ADGRL3: variants seen among roughly 807,000 people sequenced by gnomAD.
ADGRL3 encodes calcium-independent alpha-latrotoxin receptor 3.
In ADGRL3, 62 loss-of-function variants were observed where a neutral mutation model predicts 153.5. That is an observed-to-expected ratio of 0.40 (90% confidence interval 0.33 to 0.50). ADGRL3 has a LOEUF of 0.50. Ranked by LOEUF, ADGRL3 falls within the 20% of genes least tolerant of loss-of-function variation. The probability of loss-of-function intolerance (pLI) is 0.47; values close to 1 mark genes in which losing one functional copy is unlikely to be tolerated. For synonymous variants in ADGRL3, 710 were observed against 672.5 expected (o/e 1.06, Z -0.86); for missense variants, 1,641 against 1,859.4 (o/e 0.88, Z 2.16).
intron 17 of ADGRL3, 76 bp downstream of exon 17, chr4:61,948,352 G>A (rs2098933873): frequency 1.9e-6 from 2 of 1,034,762 alleles, no homozygotes; most frequent in Non-Finnish European, 2.8e-6. Context: ...CTAACTATAT[G>A]GGCTATCATA....
At chr4:61,924,269 C>G (rs1203055477) in intron 13 of ADGRL3, among the ~76,000 whole-genome samples, 3 of 152,102 alleles carry the variant, frequency 2.0e-5, no homozygotes, top group Non-Finnish European at 4.4e-5. Flanking sequence ...ACACTTCTTT[C>G]CAGTCTCCTT....
intron 4 of ADGRL3, among the ~76,000 whole-genome samples, chr4:61,583,071 C>T (rs2098932537): frequency 6.6e-6 from 1 of 152,058 alleles, no homozygotes; most frequent in African/African-American, 2.4e-5. Flanking sequence ...GTTATAACCT[C>T]AACCAATTAA....
chr4:61,317,534 A>G (rs1197959574), intron 1 of ADGRL3, among the ~76,000 whole-genome samples: 3 of 152,104 alleles, frequency 2.0e-5, no homozygotes, highest in Non-Finnish European at 4.4e-5. Flanking sequence ...CTGCTAACTC[A>G]TTTCTTTCTC....
At chr4:61,253,263 A>G (rs1464763653) in intron 1 of ADGRL3, among the ~76,000 whole-genome samples, 1 of 152,146 alleles carries the variant, frequency 6.6e-6, no homozygotes, top group Non-Finnish European at 1.5e-5. Flanking sequence ...CATGCACAAG[A>G]TTTTCTTTTT....
chr4:61,573,408 A>T (rs2098847151), intron 4 of ADGRL3, among the ~76,000 whole-genome samples: 1 of 151,954 alleles, frequency 6.6e-6, no homozygotes, highest in Non-Finnish European at 1.5e-5. Context: ...CATCTTTCAA[A>T]TGCTTAAACT....
chr4:61,288,240 C>A (rs2150106200), intron 1 of ADGRL3, among the ~76,000 whole-genome samples: 1 of 152,056 alleles, frequency 6.6e-6, no homozygotes, highest in South Asian at 2.1e-4. Context: ...ATACTTCTGG[C>A]TTAATCATGT....
intron 2 of ADGRL3, among the ~76,000 whole-genome samples, chr4:61,418,421 G>A (rs1198914636): frequency 2.0e-5 from 3 of 151,290 alleles, no homozygotes; most frequent in Non-Finnish European, 4.4e-5. Context: ...ATCGGACATG[G>A]TTTTGTCTTC....
At chr4:61,798,801 T>G (rs2097447471) in intron 8 of ADGRL3, among the ~76,000 whole-genome samples, 1 of 150,854 alleles carries the variant, frequency 6.6e-6, no homozygotes, top group Non-Finnish European at 1.5e-5. Context: ...ATGTTTTTAG[T>G]AGAGACAGGG....
At chr4:61,363,662 G>A (rs1033792147) in intron 1 of ADGRL3, among the ~76,000 whole-genome samples, 1 of 152,102 alleles carries the variant, frequency 6.6e-6, no homozygotes, top group African/African-American at 2.4e-5. Flanking sequence ...CAAAAAGGAT[G>A]TACATATGAA....
intron 16 of ADGRL3, among the ~76,000 whole-genome samples, 170 bp downstream of exon 16, chr4:61,947,292 A>C (rs2098929110): frequency 6.6e-6 from 1 of 152,160 alleles, no homozygotes; most frequent in Non-Finnish European, 1.5e-5. Flanking sequence ...TTGGAGGAGG[A>C]GAATAATCCT....
At chr4:62,042,780 A>G (rs1560544041) in intron 24 of ADGRL3, among the ~76,000 whole-genome samples, 1 of 152,070 alleles carries the variant, frequency 6.6e-6, no homozygotes, top group Non-Finnish European at 1.5e-5. Context: ...TAGTATAATG[A>G]ATAGTCACAA....
chr4:61,965,666 G>A (rs2099003772), intron 17 of ADGRL3, among the ~76,000 whole-genome samples: 1 of 152,000 alleles, frequency 6.6e-6, no homozygotes, highest in Non-Finnish European at 1.5e-5. Context: ...CAGGAGAATG[G>A]CGTGAACCCA....
At chr4:61,741,060 G>A (rs1039803040) in intron 8 of ADGRL3, among the ~76,000 whole-genome samples, 3 of 152,144 alleles carry the variant, frequency 2.0e-5, no homozygotes, top group South Asian at 2.1e-4. Context: ...ATGACACCTC[G>A]TTAAAATGTA....
At chr4:61,233,273 A>G (rs1215051732) in intron 1 of ADGRL3, among the ~76,000 whole-genome samples, 3 of 152,188 alleles carry the variant, frequency 2.0e-5, no homozygotes, top group Admixed American at 2.0e-4. Context: ...TGATTGGAGT[A>G]GGTAGGTAAA....
At chr4:61,631,349 T>C (rs1294797612) in intron 5 of ADGRL3, among the ~76,000 whole-genome samples, 1 of 152,220 alleles carries the variant, frequency 6.6e-6, no homozygotes, top group Non-Finnish European at 1.5e-5. Flanking sequence ...TTTTCACCCC[T>C]TGGAGATTCA....
intron 5 of ADGRL3, among the ~76,000 whole-genome samples, chr4:61,637,354 A>G (rs1280957678): frequency 1.3e-5 from 2 of 152,212 alleles, no homozygotes; most frequent in Non-Finnish European, 1.5e-5. Context: ...AAGCAATGCC[A>G]AAGATTGCCA....
chr4:61,672,593 C>G (rs961173100), intron 5 of ADGRL3, among the ~76,000 whole-genome samples: 2 of 152,012 alleles, frequency 1.3e-5, no homozygotes, highest in African/African-American at 2.4e-5. Flanking sequence ...CACTAATCGT[C>G]AGGGAAATGT....
chr4:62,012,382 A>G (rs1233960708), intron 21 of ADGRL3, among the ~76,000 whole-genome samples: 2 of 152,198 alleles, frequency 1.3e-5, no homozygotes, highest in Non-Finnish European at 2.9e-5. Context: ...TAGTTAGTTC[A>G]TTGACGTTTT....
intron 5 of ADGRL3, among the ~76,000 whole-genome samples, chr4:61,591,301 A>G (rs868747776): frequency 6.6e-6 from 1 of 152,188 alleles, no homozygotes; most frequent in Non-Finnish European, 1.5e-5. Context: ...TGATGTTTTT[A>G]GTGAACTTAG....
Sources: gnomAD v4.1 joint callset for allele counts (sites outside exome capture counted in the v4.1 genomes callset) on GRCh38, gnomAD v4.1.1 for gene constraint, MANE v1.5 for transcripts, NCBI Gene and HGNC (gene_info 2026-07-23, HGNC 2026-07-21) for gene names.